C1orf21: variants seen among roughly 807,000 people sequenced by gnomAD.
The protein encoded by C1orf21 is uncharacterized protein C1orf21.
A neutral mutation model predicts 18.7 loss-of-function variants in C1orf21; 3 were observed. The ratio of observed to expected loss-of-function variants is 0.16; its 90% CI spans 0.07 to 0.42. The LOEUF (loss-of-function observed/expected upper bound fraction) is 0.42, where lower values mean the gene tolerates loss of function less well. Ranked by LOEUF, C1orf21 falls within the 10% of genes least tolerant of loss-of-function variation. The pLI is 0.99. For missense variants in C1orf21, 104 were observed against 143.6 expected, an observed-to-expected ratio of 0.72 and a Z score of 1.41; for synonymous variants, 41 against 46.4, an observed-to-expected ratio of 0.88 and a Z score of 0.47.
intron 2 of C1orf21, among the ~76,000 whole-genome samples, chr1:184,501,688 A>G (rs571231574): frequency 1.2e-4 from 19 of 152,360 alleles, no homozygotes; most frequent in African/African-American, 4.6e-4. Context: ...GAAGTAAAGA[A>G]GAAACACAGA....
At chr1:184,451,220 T>C (rs1448963417) in intron 1 of C1orf21, among the ~76,000 whole-genome samples, 1 of 152,144 alleles carries the variant, frequency 6.6e-6, no homozygotes, top group Non-Finnish European at 1.5e-5. Flanking sequence ...AAATGGACCA[T>C]ATAAAAATAA....
intron 3 of C1orf21, among the ~76,000 whole-genome samples, chr1:184,543,536 G>C (rs568218959): frequency 2.0e-5 from 3 of 152,114 alleles, no homozygotes; most frequent in East Asian, 3.9e-4. Context: ...TATTTGTCTT[G>C]GTTTTTGGCC....
intron 1 of C1orf21, among the ~76,000 whole-genome samples, chr1:184,393,990 C>A (rs760049069): frequency 9.2e-5 from 14 of 152,102 alleles, no homozygotes; most frequent in Non-Finnish European, 2.9e-5. Context: ...TAGCTAACAC[C>A]TAATGTTGTT....
At chr1:184,470,003 A>C (rs1464374933) in intron 1 of C1orf21, among the ~76,000 whole-genome samples, 1 of 152,242 alleles carries the variant, frequency 6.6e-6, no homozygotes, top group Non-Finnish European at 1.5e-5. Flanking sequence ...TGGAAGGATC[A>C]CTACTTATTC....
At chr1:184,511,286 T>A (rs1482541689) in intron 3 of C1orf21, among the ~76,000 whole-genome samples, 1 of 152,168 alleles carries the variant, frequency 6.6e-6, no homozygotes, top group Non-Finnish European at 1.5e-5. Flanking sequence ...ACTACTAGAT[T>A]CTTAGACAGT....
intron 2 of C1orf21, among the ~76,000 whole-genome samples, chr1:184,505,757 T>C (rs1007491055): frequency 7.9e-5 from 12 of 152,056 alleles, no homozygotes; most frequent in Admixed American, 2.0e-4. Context: ...AATGAAACTC[T>C]GTCTGAAAAA....
At chr1:184,601,290 G>T (rs901597429) in intron 5 of C1orf21, among the ~76,000 whole-genome samples, 1 of 152,142 alleles carries the variant, frequency 6.6e-6, no homozygotes, top group Non-Finnish European at 1.5e-5. Flanking sequence ...CTTCCTTGAT[G>T]CAGCCTTTGC....
chr1:184,438,667 C>A (rs1350062239), intron 1 of C1orf21, among the ~76,000 whole-genome samples: 2 of 152,138 alleles, frequency 1.3e-5, no homozygotes, highest in Non-Finnish European at 2.9e-5. Context: ...CGGCAGGTAG[C>A]TCTGCTGATA....
intron 1 of C1orf21, among the ~76,000 whole-genome samples, chr1:184,444,478 G>A (rs890044105): frequency 6.6e-6 from 1 of 152,022 alleles, no homozygotes; most frequent in African/African-American, 2.4e-5. Flanking sequence ...TAAGAAGTGC[G>A]TTTCACCTCC....
intron 5 of C1orf21, among the ~76,000 whole-genome samples, chr1:184,603,630 A>G (rs1336213704): frequency 6.6e-6 from 1 of 152,140 alleles, no homozygotes; most frequent in African/African-American, 2.4e-5. Flanking sequence ...CCCTGTCTAT[A>G]CTAAAAATAC....
chr1:184,505,343 A>ATATATATG (rs1466131389), intron 2 of C1orf21, among the ~76,000 whole-genome samples: 2 of 129,634 alleles, frequency 1.5e-5, no homozygotes, highest in East Asian at 2.1e-4. Flanking sequence ...ATATATATAC[A>ATATATATG]CACATGCCAT....
chr1:184,557,842 G>C (rs1215729200), intron 3 of C1orf21, among the ~76,000 whole-genome samples: 2 of 152,048 alleles, frequency 1.3e-5, no homozygotes, highest in Non-Finnish European at 2.9e-5. Flanking sequence ...ACAACTCGTT[G>C]GCAGTACAAC....
chr1:184,390,905 C>A (rs930390990), intron 1 of C1orf21, among the ~76,000 whole-genome samples: 1 of 152,078 alleles, frequency 6.6e-6, no homozygotes, highest in African/African-American at 2.4e-5. Context: ...TAAAGTACTG[C>A]TTAGAAAACT....
At chr1:184,566,786 G>A (rs76372411) in intron 3 of C1orf21, 2 of 437,760 alleles carry the variant, frequency 4.6e-6, no homozygotes, top group African/African-American at 2.0e-5. Context: ...TGCTGCTCTG[G>A]AGGCTGAGCT....
At chr1:184,540,731 A>C (rs1332953870) in intron 3 of C1orf21, among the ~76,000 whole-genome samples, 4 of 152,216 alleles carry the variant, frequency 2.6e-5, no homozygotes, top group Admixed American at 6.5e-5. Context: ...GTGCCCAGCC[A>C]GGAATTTCTA....
chr1:184,520,226 C>T (rs909265978), intron 3 of C1orf21, among the ~76,000 whole-genome samples: 33 of 152,206 alleles, frequency 2.2e-4, no homozygotes, highest in African/African-American at 7.9e-4. Context: ...GGTTCCTGTT[C>T]GAGTGTAATG....
At chr1:184,616,502 A>C (rs1174875256) in intron 5 of C1orf21, among the ~76,000 whole-genome samples, 2 of 152,248 alleles carry the variant, frequency 1.3e-5, no homozygotes, top group Non-Finnish European at 2.9e-5. Flanking sequence ...TGAAAGTTGC[A>C]GAGTCCTGTG....
chr1:184,538,787 G>A (rs1041481938), intron 3 of C1orf21, among the ~76,000 whole-genome samples: 1 of 152,086 alleles, frequency 6.6e-6, no homozygotes, highest in Non-Finnish European at 1.5e-5. Flanking sequence ...GTATTTCTGA[G>A]TTCTCCATTC....
At chr1:184,475,865 C>T (rs1478001937) in intron 1 of C1orf21, among the ~76,000 whole-genome samples, 1 of 151,366 alleles carries the variant, frequency 6.6e-6, no homozygotes, top group African/African-American at 2.4e-5. Context: ...AAGATATAAA[C>T]ATTAGCCATC....
Sources: allele counts gnomAD v4.1 joint callset (sites outside exome capture counted in the v4.1 genomes callset), GRCh38; gene constraint gnomAD v4.1.1; transcripts MANE v1.5; gene names NCBI Gene and HGNC (gene_info 2026-07-23, HGNC 2026-07-21).